Variants in SGCZ observed in about 807,000 individuals in gnomAD.
SGCZ encodes sarcoglycan zeta, also known as zeta-sarcoglycan.
Under a neutral mutation model 41.3 loss-of-function variants are expected in SGCZ, and 40 were observed. The ratio of observed to expected loss-of-function variants is 0.97; its 90% CI spans 0.75 to 1.26. The LOEUF (loss-of-function observed/expected upper bound fraction) is 1.26. Ranked by LOEUF, SGCZ falls within the 50% of genes most tolerant of loss-of-function variation. The probability of loss-of-function intolerance (pLI) is 0.00; values close to 1 mark genes in which losing one functional copy is unlikely to be tolerated. For synonymous variants in SGCZ, 206 were observed against 137.5 expected, an observed-to-expected ratio of 1.50 and a Z score of -3.49; for missense variants, 552 against 369.8, an observed-to-expected ratio of 1.49 and a Z score of -4.04.
chr8:14,427,509 C>G (rs1249096155), intron 2 of SGCZ, among the ~76,000 whole-genome samples: 1 of 152,082 alleles, frequency 6.6e-6, no homozygotes, highest in Non-Finnish European at 1.5e-5. Flanking sequence ...ACTCCCCACT[C>G]GTTGCGTTTC....
intron 1 of SGCZ, among the ~76,000 whole-genome samples, chr8:14,867,354 G>A (rs1285722018): frequency 6.6e-6 from 1 of 152,006 alleles, no homozygotes; most frequent in Non-Finnish European, 1.5e-5. Context: ...ATCTATCACT[G>A]TTGGGCATTT....
chr8:15,095,156 T>TG (rs1272388062), intron 1 of SGCZ, among the ~76,000 whole-genome samples: 1 of 152,176 alleles, frequency 6.6e-6, no homozygotes, highest in Non-Finnish European at 1.5e-5. Context: ...TGGAGTGCAA[T>TG]GGCGTGATCT....
chr8:14,274,180 T>G (rs1355544065), intron 3 of SGCZ, among the ~76,000 whole-genome samples: 1 of 152,168 alleles, frequency 6.6e-6, no homozygotes, highest in African/African-American at 2.4e-5. Flanking sequence ...TTTTTGCTTT[T>G]TCAAACGGTA....
intron 1 of SGCZ, among the ~76,000 whole-genome samples, chr8:14,758,161 A>T (rs1196877647): frequency 6.6e-6 from 1 of 152,212 alleles, no homozygotes; most frequent in Non-Finnish European, 1.5e-5. Flanking sequence ...CACATATTCA[A>T]AGATACAAGC....
chr8:14,993,737 C>G (rs1330664046), intron 1 of SGCZ, among the ~76,000 whole-genome samples: 1 of 152,112 alleles, frequency 6.6e-6, no homozygotes, highest in East Asian at 1.9e-4. Flanking sequence ...GACCAGTGTA[C>G]CTGGCGCAGC....
chr8:14,792,483 ACAATAAT>A (rs966256022), intron 1 of SGCZ, among the ~76,000 whole-genome samples: 24 of 152,300 alleles, frequency 1.6e-4, no homozygotes, highest in African/African-American at 5.8e-4. Flanking sequence ...GTCAAGGGTC[ACAATAAT>A]CTTCAAATTG....
At chr8:14,707,803 G>C (rs552400182) in intron 1 of SGCZ, among the ~76,000 whole-genome samples, 1 of 152,160 alleles carries the variant, frequency 6.6e-6, no homozygotes, top group South Asian at 2.1e-4. Flanking sequence ...TTTACCTGTG[G>C]CAAAATAAAT....
chr8:14,285,464 T>C (rs925502516), intron 3 of SGCZ, among the ~76,000 whole-genome samples: 15 of 152,092 alleles, frequency 9.9e-5, no homozygotes, highest in African/African-American at 3.6e-4. Context: ...TTCTTAGTAC[T>C]CTACCACCTC....
At chr8:15,201,969 G>A (rs1000029537) in intron 1 of SGCZ, among the ~76,000 whole-genome samples, 1 of 152,062 alleles carries the variant, frequency 6.6e-6, no homozygotes, top group Non-Finnish European at 1.5e-5. Context: ...CATTAATGTA[G>A]TTTGATTTTT....
At chr8:15,030,758 G>A (rs1352826156) in intron 1 of SGCZ, among the ~76,000 whole-genome samples, 10 of 152,098 alleles carry the variant, frequency 6.6e-5, no homozygotes, top group Admixed American at 5.2e-4. Flanking sequence ...TAAGGACTAC[G>A]GCGGAGGTAA....
chr8:14,919,588 A>G (rs1799532097), intron 1 of SGCZ, among the ~76,000 whole-genome samples: 1 of 152,140 alleles, frequency 6.6e-6, no homozygotes, highest in African/African-American at 2.4e-5. Context: ...TAAGATACTA[A>G]TATTACTCCA....
At chr8:14,798,473 A>G (rs1801209654) in intron 1 of SGCZ, among the ~76,000 whole-genome samples, 2 of 152,222 alleles carry the variant, frequency 1.3e-5, no homozygotes. Flanking sequence ...AACTTACAGA[A>G]GACAGAAAAA....
chr8:14,193,768 AC>A (rs1805180620), intron 4 of SGCZ, among the ~76,000 whole-genome samples: 1 of 151,562 alleles, frequency 6.6e-6, no homozygotes, highest in Admixed American at 6.6e-5. Flanking sequence ...CTAGCTTGTC[AC>A]CCTTGTCCAG....
chr8:14,945,642 C>G (rs1485336230), intron 1 of SGCZ, among the ~76,000 whole-genome samples: 8 of 150,284 alleles, frequency 5.3e-5, no homozygotes, highest in Admixed American at 5.3e-4. Context: ...TGTGAGTTGC[C>G]AGACTGAGGG....
At chr8:14,955,650 G>T (rs1363487154) in intron 1 of SGCZ, among the ~76,000 whole-genome samples, 1 of 152,102 alleles carries the variant, frequency 6.6e-6, no homozygotes, top group African/African-American at 2.4e-5. Flanking sequence ...TAAAAAGGTT[G>T]ATTTTCAAAT....
At chr8:14,464,290 T>A (rs1800985403) in intron 2 of SGCZ, among the ~76,000 whole-genome samples, 1 of 151,578 alleles carries the variant, frequency 6.6e-6, no homozygotes, top group Admixed American at 6.6e-5. Context: ...ACTAACTCAA[T>A]CTTCTTATCA....
intron 1 of SGCZ, among the ~76,000 whole-genome samples, chr8:14,952,609 G>T (rs1800675047): frequency 6.6e-6 from 1 of 152,248 alleles, no homozygotes; most frequent in South Asian, 2.1e-4. Flanking sequence ...AATGATGCTT[G>T]TTAGTAGAAC....
intron 1 of SGCZ, among the ~76,000 whole-genome samples, chr8:15,200,160 C>A (rs983628556): frequency 2.0e-5 from 3 of 152,192 alleles, no homozygotes; most frequent in African/African-American, 4.8e-5. Context: ...CGAGTTTCCT[C>A]AAGTTCTTGT....
At chr8:14,873,358 A>G (rs1466684258) in intron 1 of SGCZ, among the ~76,000 whole-genome samples, 1 of 152,126 alleles carries the variant, frequency 6.6e-6, no homozygotes, top group Non-Finnish European at 1.5e-5. Context: ...TTTATATTTT[A>G]TAATACATGC....
Sources: allele counts gnomAD v4.1 joint callset (sites outside exome capture counted in the v4.1 genomes callset), GRCh38; gene constraint gnomAD v4.1.1; transcripts MANE v1.5; gene names NCBI Gene and HGNC (gene_info 2026-07-23, HGNC 2026-07-21).